Variants in TBCA observed in about 807,000 individuals in gnomAD.
TBCA encodes the protein tubulin folding cofactor A.
A neutral mutation model predicts 15.8 loss-of-function variants in TBCA; 6 were observed. The ratio of observed to expected loss-of-function variants is 0.38; its 90% CI spans 0.21 to 0.75. The LOEUF (loss-of-function observed/expected upper bound fraction) is 0.75. Ranked by LOEUF, TBCA falls within the 30% of genes least tolerant of loss-of-function variation. The pLI, the probability that TBCA is intolerant of heterozygous loss-of-function variation, is 0.46. For missense variants in TBCA, 90 were observed against 131.2 expected (o/e 0.69, Z 1.53); for synonymous variants, 32 against 42.3 (o/e 0.76, Z 0.94).
chr5:77,744,531 C>CTTT (rs70991305), intron 1 of TBCA, among the ~76,000 whole-genome samples: 967 of 82,918 alleles, frequency 0.012, 34 homozygotes, highest in African/African-American at 0.018. Flanking sequence ...TCTTATTCAC[C>CTTT]TTTTTTTTTT....
chr5:77,771,210 G>GA (rs530810961), intron 1 of TBCA, among the ~76,000 whole-genome samples: 148 of 141,924 alleles, frequency 1.0e-3, no homozygotes, highest in African/African-American at 1.9e-3. Flanking sequence ...TAGTCCTCAG[G>GA]AAAAAAAAAA....
intron 1 of TBCA, among the ~76,000 whole-genome samples, chr5:77,710,218 A>G (rs1746244124): frequency 6.6e-6 from 1 of 152,232 alleles, no homozygotes; most frequent in African/African-American, 2.4e-5. Flanking sequence ...GTGACCACAA[A>G]GTCAGCTTCA....
chr5:77,691,296 T>G lies in TBCA; in HGVS notation c.*122A>C. 2 of 744,982 alleles carry G rather than the reference T, an allele frequency of 2.7e-6. No homozygotes were observed. The highest frequency in any genetic ancestry group is 3.7e-5 in the South Asian group (2 of 53,776). 46.1% of individuals were successfully genotyped at this position (744,982 alleles called of 1,614,324 possible). A position where few individuals can be genotyped will look rare whatever the true frequency, so the allele number is the denominator to read the frequency against. On this transcript the variant is annotated 3_prime_UTR_variant, in exon 4 of 4. Transcript: ENST00000380377. The stretch of plus-strand genomic sequence containing the variant: ...ATTAAATTAGACAAAGAAATATATA[T>G]GTAACCAGATAAAAACAATCACATT...
intron 1 of TBCA, among the ~76,000 whole-genome samples, chr5:77,713,903 AT>A (rs34071197): frequency 1.3e-4 from 19 of 149,704 alleles, no homozygotes; most frequent in African/African-American, 1.5e-4. Context: ...GCAAGTAAAG[AT>A]TTTTTTTTTA....
chr5:77,745,628 TA>T (rs754553291), intron 1 of TBCA, among the ~76,000 whole-genome samples: 58 of 152,354 alleles, frequency 3.8e-4, no homozygotes, highest in Non-Finnish European at 6.0e-4. Flanking sequence ...GGTGATGGTA[TA>T]GGGGGCCAAT....
chr5:77,751,159 C>CTTTTTTTTTTTT (rs10573352), intron 1 of TBCA, among the ~76,000 whole-genome samples: 2 of 81,894 alleles, frequency 2.4e-5, no homozygotes, highest in African/African-American at 4.5e-5. Flanking sequence ...TTCTTTCTTT[C>CTTTTTTTTTTTT]TTTTTTTTTT....
intron 1 of TBCA, 64 bp downstream of exon 1, chr5:77,776,141 C>T (rs1262014506): frequency 1.3e-6 from 2 of 1,543,290 alleles, no homozygotes; most frequent in South Asian, 1.2e-5. Context: ...GCGCTCCGCT[C>T]AGCCTCGCGG....
intron 2 of TBCA, among the ~76,000 whole-genome samples, chr5:77,704,154 T>C (rs1379447477): frequency 6.6e-6 from 1 of 152,120 alleles, no homozygotes; most frequent in Non-Finnish European, 1.5e-5. Context: ...AGTATGAAAA[T>C]GGACTAATGC....
chr5:77,766,512 A>ATTTTTTT (rs1180091515), intron 1 of TBCA, among the ~76,000 whole-genome samples: 1 of 58,298 alleles, frequency 1.7e-5, no homozygotes, highest in African/African-American at 7.6e-5. Flanking sequence ...TTATTTATTT[A>ATTTTTTT]TTTTTTTTTT....
chr5:77,692,039 T>G (rs755296011), intron 3 of TBCA: 6 of 985,382 alleles, frequency 6.1e-6, no homozygotes, highest in Non-Finnish European at 7.2e-6. Flanking sequence ...ATCTTTCATT[T>G]TCTGATATTT....
chr5:77,740,057 T>A (rs749604109), intron 1 of TBCA, among the ~76,000 whole-genome samples: 26 of 152,070 alleles, frequency 1.7e-4, no homozygotes, highest in Non-Finnish European at 2.6e-4. Context: ...AAAAAGGATA[T>A]CTGGCAGGAG....
At chr5:77,719,596 T>A (rs182342053) in intron 1 of TBCA, among the ~76,000 whole-genome samples, 60 of 152,336 alleles carry the variant, frequency 3.9e-4, no homozygotes, top group African/African-American at 1.4e-3. Context: ...ATTGCTGAAG[T>A]AGAATATGTG....
intron 1 of TBCA, among the ~76,000 whole-genome samples, chr5:77,751,297 G>T (rs572036801): frequency 2.8e-4 from 42 of 151,358 alleles, no homozygotes; most frequent in Admixed American, 2.4e-3. Context: ...GGGTAGCTGG[G>T]ATTATAGGCG....
In TBCA at chr5:77,692,176, C is replaced by T. The variant is rs1388242974; in HGVS notation, c.247-678G>A. On this transcript the variant is annotated intron_variant, in intron 3 of 3. Transcript: ENST00000380377. ...AATTTTGTTTGATTTTTAAATGAAG[C>T]TATGGTTAGCAATTTATGTCAGGTC... 2.9e-5 allele frequency: 29 copies of T among 984,686 alleles called. 1 individual carries two copies. In the South Asian group the frequency reaches 4.2e-4, roughly 14 times the overall value. 61.0% of individuals were successfully genotyped at this position (984,686 alleles called of 1,614,324 possible).
intron 1 of TBCA, among the ~76,000 whole-genome samples, chr5:77,745,365 C>G (rs1747162628): frequency 3.3e-5 from 5 of 152,140 alleles, no homozygotes; most frequent in Admixed American, 3.3e-4. Context: ...ATTTGCAATT[C>G]AAAGAAATGC....
rs543694405 is a variant in TBCA, at chr5:77,751,363, A to G, written c.53+24842T>C. 4.0e-5 allele frequency among the ~76,000 whole-genome samples: 6 copies of G among 151,286 alleles called. No individual in the cohort carries two copies. The South Asian group carries it at 6.3e-4, about 16-fold the overall frequency. On this transcript the variant is annotated intron_variant, in intron 1 of 3. Coordinates refer to ENST00000380377, the MANE Select transcript of TBCA (RefSeq NM_004607.3). ...TTTTTTAGTAAAGACAATTTTTTGT[A>G]TTTTTTAGTTTCACTATGTTGGCCA...
intron 1 of TBCA, among the ~76,000 whole-genome samples, chr5:77,711,647 T>C (rs953116674): frequency 1.3e-5 from 2 of 152,054 alleles, no homozygotes; most frequent in Non-Finnish European, 2.9e-5. Context: ...TTCACAAAAA[T>C]TGAGCAATAA....
intron 1 of TBCA, among the ~76,000 whole-genome samples, chr5:77,743,899 C>G (rs374650413): frequency 6.6e-6 from 1 of 152,108 alleles, no homozygotes; most frequent in East Asian, 1.9e-4. Flanking sequence ...GTGGTCTCTG[C>G]CCTCAAAGAA....
At chr5:77,767,505 CA>C (rs1747807729) in intron 1 of TBCA, among the ~76,000 whole-genome samples, 1 of 152,156 alleles carries the variant, frequency 6.6e-6, no homozygotes, top group Non-Finnish European at 1.5e-5. Context: ...TACTCTTCCC[CA>C]CAATAAACTT....
Sources: allele counts gnomAD v4.1 joint callset (sites outside exome capture counted in the v4.1 genomes callset), GRCh38; gene constraint gnomAD v4.1.1; transcripts MANE v1.5; gene names NCBI Gene and HGNC (gene_info 2026-07-23, HGNC 2026-07-21).